TSNARE1: variants seen among roughly 807,000 people sequenced by gnomAD.
TSNARE1 encodes the protein t-SNARE domain containing 1, also known as t-SNARE domain-containing protein 1.
TSNARE1 carries 49 observed loss-of-function variants against 62.0 expected under a neutral mutation model. The ratio of observed to expected loss-of-function variants is 0.79; its 90% CI spans 0.63 to 1.00. The LOEUF (loss-of-function observed/expected upper bound fraction) is 1.00, where lower values mean the gene tolerates loss of function less well. TSNARE1 is among the 50% of genes least tolerant of loss of function. TSNARE1 has a pLI of 0.00. For synonymous variants in TSNARE1, 328 were observed against 294.4 expected (o/e 1.11, Z -1.17); for missense variants, 755 against 700.1 (o/e 1.08, Z -0.88).
chr8:142,274,847 G>A lies in TSNARE1; in HGVS notation c.1380C>T (p.Ser460=), dbSNP rs1586944673. 6.3e-7 allele frequency: 1 copy of A among 1,576,672 alleles called. No individual in the cohort carries two copies. The highest frequency in any genetic ancestry group is 2.4e-5 in the East Asian group (1 of 41,654). The change falls in exon 12 of 14, where the codon AGC becomes AGT. Residue 460 remains serine (S), a synonymous_variant. Transcript: ENST00000524325. The stretch of plus-strand genomic sequence containing the variant: ...CCGCATGCGAGGACGCAGCCTCAAG[G>A]CTGGCTTCAATACTATCTGCAAATC... ...QGEAVDSIEA[S]LEAASSHAEA...
At chr8:142,254,321 C>G (rs1170001064) in intron 12 of TSNARE1, among the ~76,000 whole-genome samples, 1 of 152,170 alleles carries the variant, frequency 6.6e-6, no homozygotes, top group African/African-American at 2.4e-5. Flanking sequence ...TCCCCATGCC[C>G]CGGCCTCTCC....
intron 1 of TSNARE1, among the ~76,000 whole-genome samples, chr8:142,394,222 G>A (rs1297455516): frequency 6.6e-6 from 1 of 152,206 alleles, no homozygotes; most frequent in Non-Finnish European, 1.5e-5. Context: ...TAACAGCTTT[G>A]GGGGCAGATA....
At chr8:142,215,078 G>A (rs1401287652) in intron 13 of TSNARE1, among the ~76,000 whole-genome samples, 3 of 152,218 alleles carry the variant, frequency 2.0e-5, no homozygotes, top group East Asian at 3.9e-4. Context: ...GCAGAGACCT[G>A]TCCTGTCCAT....
At chr8:142,325,285 C>T (rs549421792) in intron 6 of TSNARE1, among the ~76,000 whole-genome samples, 1 of 152,322 alleles carries the variant, frequency 6.6e-6, no homozygotes, top group South Asian at 2.1e-4. Flanking sequence ...ACCTGAAAGG[C>T]CACAACACAG....
intron 8 of TSNARE1, 123 bp downstream of exon 8, chr8:142,314,880 C>A: frequency 2.2e-6 from 2 of 912,782 alleles, no homozygotes; most frequent in East Asian, 2.5e-5. Context: ...CAACCCTCTT[C>A]TCTGCCTTTG....
chr8:142,387,701 T>C (rs975312938), intron 1 of TSNARE1, among the ~76,000 whole-genome samples: 3 of 152,070 alleles, frequency 2.0e-5, no homozygotes, highest in African/African-American at 7.2e-5. Context: ...CCCAGAAAGT[T>C]CAAACAGAGT....
At chr8:142,278,190 C>T in intron 11 of TSNARE1, 2 of 985,460 alleles carry the variant, frequency 2.0e-6, no homozygotes, top group Non-Finnish European at 2.4e-6. Flanking sequence ...GCCCAGGCCC[C>T]TTGTCCAAGC....
At chr8:142,284,513 G>T in intron 10 of TSNARE1, 28 bp from the exon 11 acceptor site, 1 of 1,601,450 alleles carries the variant, frequency 6.2e-7, no homozygotes, top group Non-Finnish European at 8.5e-7. Flanking sequence ...AACCACATCA[G>T]GAGCAGGGCT....
At chr8:142,345,503 C>T (rs1166990824) in intron 3 of TSNARE1, among the ~76,000 whole-genome samples, 1 of 152,194 alleles carries the variant, frequency 6.6e-6, no homozygotes, top group Non-Finnish European at 1.5e-5. Context: ...CAGTCCTGAG[C>T]CTACAGGGTT....
At chr8:142,231,190 G>C (rs1180034053) in intron 12 of TSNARE1, among the ~76,000 whole-genome samples, 1 of 152,184 alleles carries the variant, frequency 6.6e-6, no homozygotes, top group Non-Finnish European at 1.5e-5. Flanking sequence ...CCACATACTG[G>C]CCTGAAAATG....
intron 9 of TSNARE1, among the ~76,000 whole-genome samples, chr8:142,304,651 AGGGGATGGAG>A (rs750637715): frequency 1.4e-4 from 21 of 152,246 alleles, no homozygotes; most frequent in Non-Finnish European, 2.1e-4. Flanking sequence ...TTTCACTTCC[AGGGGATGGAG>A]CTGACCTCAG....
chr8:142,242,348 G>C (rs1817705300), intron 12 of TSNARE1, among the ~76,000 whole-genome samples: 1 of 152,196 alleles, frequency 6.6e-6, no homozygotes, highest in Non-Finnish European at 1.5e-5. Context: ...CTTAACACTG[G>C]TCTTGGTAAA....
intron 1 of TSNARE1, among the ~76,000 whole-genome samples, chr8:142,376,251 T>C (rs972962568): frequency 2.0e-5 from 3 of 152,134 alleles, no homozygotes; most frequent in Non-Finnish European, 4.4e-5. Context: ...ACATGTGTCT[T>C]GGTGCCCTGT....
chr8:142,237,454 A>G (rs78208874), intron 12 of TSNARE1, among the ~76,000 whole-genome samples: 3,400 of 152,242 alleles, frequency 0.022, 116 homozygotes, highest in African/African-American at 0.071. Context: ...CTCTCCACCC[A>G]AAGGGCCTGG....
intron 11 of TSNARE1, chr8:142,278,621 C>A: frequency 5.1e-6 from 5 of 985,414 alleles, no homozygotes; most frequent in Non-Finnish European, 6.0e-6. Context: ...GCCAGCATCA[C>A]CCTCAGAGCC....
chr8:142,223,128 A>ACTCG (rs1563756796), intron 13 of TSNARE1, among the ~76,000 whole-genome samples: 2 of 57,694 alleles, frequency 3.5e-5, no homozygotes, highest in Non-Finnish European at 3.4e-5. Flanking sequence ...TCATTCACTC[A>ACTCG]TTCACTCATT....
At chr8:142,335,243 A>C (rs1184431452) in intron 4 of TSNARE1, among the ~76,000 whole-genome samples, 1 of 152,132 alleles carries the variant, frequency 6.6e-6, no homozygotes, top group Non-Finnish European at 1.5e-5. Flanking sequence ...TGTGATCCTG[A>C]ATGTACTGAA....
At chr8:142,368,720 G>A (rs1835729907) in intron 1 of TSNARE1, among the ~76,000 whole-genome samples, 2 of 152,190 alleles carry the variant, frequency 1.3e-5, no homozygotes, top group Non-Finnish European at 2.9e-5. Context: ...GGTGCCAGCA[G>A]ACGGCAGACG....
chr8:142,261,970 G>A (rs548164949), intron 12 of TSNARE1, among the ~76,000 whole-genome samples: 3 of 152,280 alleles, frequency 2.0e-5, no homozygotes, highest in South Asian at 2.1e-4. Flanking sequence ...TCCATCCCAC[G>A]GCGGGGCCAG....
Sources: allele counts gnomAD v4.1 joint callset (sites outside exome capture counted in the v4.1 genomes callset), GRCh38; gene constraint gnomAD v4.1.1; transcripts MANE v1.5; gene names NCBI Gene and HGNC (gene_info 2026-07-23, HGNC 2026-07-21).